DPP10: variants seen among roughly 807,000 people sequenced by gnomAD.
DPP10 encodes dipeptidyl peptidase like 10.
In DPP10, 33 loss-of-function variants were observed where a neutral mutation model predicts 120.9. That is an observed-to-expected ratio of 0.27 (90% CI 0.21 to 0.37). The LOEUF (loss-of-function observed/expected upper bound fraction) is 0.37, where lower values mean the gene tolerates loss of function less well. DPP10 is among the 10% of genes least tolerant of loss of function. The probability of loss-of-function intolerance (pLI) is 1.00; values close to 1 mark genes in which losing one functional copy is unlikely to be tolerated. For missense variants in DPP10, 816 were observed against 942.8 expected, an observed-to-expected ratio of 0.87 and a Z score of 1.76; for synonymous variants, 337 against 326.1, an observed-to-expected ratio of 1.03 and a Z score of -0.36.
intron 1 of DPP10, among the ~76,000 whole-genome samples, chr2:114,461,405 C>T (rs1415414714): frequency 6.6e-6 from 1 of 152,168 alleles, no homozygotes; most frequent in Non-Finnish European, 1.5e-5. Context: ...TTTCCTGATC[C>T]CATTGGTTCA....
At chr2:115,269,290 A>G (rs1437485769) in intron 1 of DPP10, among the ~76,000 whole-genome samples, 1 of 152,214 alleles carries the variant, frequency 6.6e-6, no homozygotes, top group Admixed American at 6.5e-5. Context: ...TTTTATTAAG[A>G]CATTTCAGGA....
intron 1 of DPP10, among the ~76,000 whole-genome samples, chr2:114,870,120 T>C (rs570475883): frequency 6.6e-6 from 1 of 152,314 alleles, no homozygotes; most frequent in African/African-American, 2.4e-5. Flanking sequence ...CAAAAAATAC[T>C]GCCTCTCTGG....
intron 1 of DPP10, among the ~76,000 whole-genome samples, chr2:115,097,268 A>C (rs2048448670): frequency 6.6e-6 from 1 of 152,182 alleles, no homozygotes; most frequent in African/African-American, 2.4e-5. Flanking sequence ...CTAACCTCAT[A>C]TTAAAAATTG....
intron 1 of DPP10, among the ~76,000 whole-genome samples, chr2:114,840,795 A>T (rs1426050743): frequency 6.6e-6 from 1 of 152,152 alleles, no homozygotes; most frequent in Non-Finnish European, 1.5e-5. Context: ...CACTCTATTA[A>T]ACAACTTATT....
At chr2:114,591,689 G>A (rs1300853249) in intron 1 of DPP10, among the ~76,000 whole-genome samples, 1 of 151,590 alleles carries the variant, frequency 6.6e-6, no homozygotes, top group African/African-American at 2.4e-5. Flanking sequence ...TGAGTACCTG[G>A]GATTACAGGT....
At chr2:115,654,212 A>G (rs1445129581) in intron 5 of DPP10, among the ~76,000 whole-genome samples, 1 of 151,860 alleles carries the variant, frequency 6.6e-6, no homozygotes, top group Non-Finnish European at 1.5e-5. Flanking sequence ...TTTATTTAAC[A>G]TAAACAAATA....
intron 3 of DPP10, among the ~76,000 whole-genome samples, chr2:115,349,870 CA>C (rs1404515162): frequency 6.6e-6 from 1 of 152,014 alleles, no homozygotes; most frequent in African/African-American, 2.4e-5. Flanking sequence ...CTTCTAACTC[CA>C]AAGACATCAT....
chr2:115,091,534 C>T (rs1232794369), intron 1 of DPP10, among the ~76,000 whole-genome samples: 1 of 152,052 alleles, frequency 6.6e-6, no homozygotes, highest in Non-Finnish European at 1.5e-5. Context: ...GCCTTCTCCC[C>T]CCTCAACCCC....
intron 1 of DPP10, among the ~76,000 whole-genome samples, chr2:114,672,917 T>C (rs1436650389): frequency 6.6e-6 from 1 of 152,152 alleles, no homozygotes; most frequent in East Asian, 1.9e-4. Context: ...GGGATATTGC[T>C]AACAGTGATG....
chr2:115,242,683 T>TG (rs2058344270), intron 1 of DPP10, among the ~76,000 whole-genome samples: 2 of 151,810 alleles, frequency 1.3e-5, no homozygotes, highest in African/African-American at 4.8e-5. Flanking sequence ...TTTTTTTTTT[T>TG]TTTTTTGGTT....
chr2:115,777,769 G>T lies in DPP10; in HGVS notation c.1314-18G>T, dbSNP rs780496957. On this transcript the variant is annotated intron_variant, in intron 14 of 25. Coordinates refer to ENST00000410059, the MANE Select transcript of DPP10 (RefSeq NM_020868.6). The stretch of plus-strand genomic sequence containing the variant: ...TAGATCTGTGTCTAATGCTTGTGTT[G>T]TTTTCTTTCCTGGACAGTTACTTTC... The T allele has an allele frequency of 6.2e-7, 1 of 1,612,852 alleles. No homozygotes were observed.
chr2:114,459,393 G>A (rs1463517400), intron 1 of DPP10, among the ~76,000 whole-genome samples: 2 of 152,184 alleles, frequency 1.3e-5, no homozygotes, highest in African/African-American at 2.4e-5. Flanking sequence ...AATACAAGCA[G>A]CATGACAATC....
chr2:115,478,604 A>G (rs936728135), intron 3 of DPP10, among the ~76,000 whole-genome samples: 9 of 152,180 alleles, frequency 5.9e-5, no homozygotes, highest in South Asian at 4.1e-4. Flanking sequence ...TCATCCACAG[A>G]GCCATAAGGT....
intron 5 of DPP10, among the ~76,000 whole-genome samples, chr2:115,606,312 T>A (rs931510354): frequency 6.6e-6 from 1 of 152,140 alleles, no homozygotes; most frequent in Non-Finnish European, 1.5e-5. Flanking sequence ...TCGCTTTTTT[T>A]AAATGAAATT....
chr2:114,727,188 C>A (rs1676408641), intron 1 of DPP10, among the ~76,000 whole-genome samples: 1 of 152,138 alleles, frequency 6.6e-6, no homozygotes, highest in South Asian at 2.1e-4. Context: ...CTGGGGAACA[C>A]TGATTAAGCA....
chr2:115,521,904 T>C (rs1437356248), intron 4 of DPP10, among the ~76,000 whole-genome samples: 1 of 152,160 alleles, frequency 6.6e-6, no homozygotes, highest in Non-Finnish European at 1.5e-5. Context: ...TCATACATAA[T>C]AGCAGTAATC....
intron 4 of DPP10, among the ~76,000 whole-genome samples, chr2:115,523,044 A>G (rs1277892633): frequency 6.6e-6 from 1 of 152,094 alleles, no homozygotes; most frequent in African/African-American, 2.4e-5. Flanking sequence ...AGCTGCCGAG[A>G]TACGTTTCTT....
intron 5 of DPP10, among the ~76,000 whole-genome samples, chr2:115,556,382 T>C (rs1216254636): frequency 6.7e-6 from 1 of 150,318 alleles, no homozygotes; most frequent in African/African-American, 2.4e-5. Context: ...TTTTTTTTTT[T>C]CTCATCAGCT....
intron 1 of DPP10, among the ~76,000 whole-genome samples, chr2:115,250,424 CATGTGTTAAG>C (rs748115985): frequency 9.3e-4 from 142 of 152,080 alleles, no homozygotes; most frequent in South Asian, 2.1e-3. Context: ...CATATCGAAC[CATGTGTTAAG>C]ATGTGTGAAT....
Sources: gnomAD v4.1 joint callset for allele counts (sites outside exome capture counted in the v4.1 genomes callset) on GRCh38, gnomAD v4.1.1 for gene constraint, MANE v1.5 for transcripts, NCBI Gene and HGNC (gene_info 2026-07-23, HGNC 2026-07-21) for gene names.